The following ANKRD28 variants were observed in gnomAD, a reference collection of about 807,000 sequenced individuals.
ANKRD28 encodes the protein ankyrin repeat domain 28.
Under a neutral mutation model 126.5 loss-of-function variants are expected in ANKRD28, and 44 were observed. That is an observed-to-expected ratio of 0.35 (90% confidence interval 0.27 to 0.45). The LOEUF (loss-of-function observed/expected upper bound fraction) is 0.45. ANKRD28 is among the 20% of genes least tolerant of loss of function. The pLI is 1.00. For missense variants in ANKRD28, 1,110 were observed against 1,316.6 expected, an observed-to-expected ratio of 0.84 and a Z score of 2.43; for synonymous variants, 442 against 468.5, an observed-to-expected ratio of 0.94 and a Z score of 0.73.
At chr3:15,827,594 T>C (rs1468327567) in intron 1 of ANKRD28, among the ~76,000 whole-genome samples, 1 of 152,156 alleles carries the variant, frequency 6.6e-6, no homozygotes, top group East Asian at 1.9e-4. Flanking sequence ...CCCCATTGAA[T>C]GGCCCTGGGA....
intron 3 of ANKRD28, among the ~76,000 whole-genome samples, chr3:15,754,656 G>A (rs747500892): frequency 1.3e-5 from 2 of 152,008 alleles, no homozygotes; most frequent in Non-Finnish European, 2.9e-5. Flanking sequence ...TCTTCAAAAG[G>A]GGGTACTACT....
chr3:15,795,128 A>G lies in ANKRD28; in HGVS notation c.201+95T>C, dbSNP rs913575159. Reference sequence around the variant, plus strand: ...CCCTCATTTAAAACAACTGTTACAGAGTTATATTATGTCTTGTAAACAAAA... The same window carrying G: ...CCCTCATTTAAAACAACTGTTACAGGGTTATATTATGTCTTGTAAACAAAA... On this transcript the variant is annotated intron_variant, in intron 2 of 27. Transcript: ENST00000683139. 5.8e-6 allele frequency: 5 copies of G among 864,476 alleles called. No individual in the cohort carries two copies. The African/African-American group carries it at 8.4e-5, about 15-fold the overall frequency. 53.6% of individuals were successfully genotyped at this position (864,476 alleles called of 1,614,324 possible). A position where few individuals can be genotyped will look rare whatever the true frequency, so the allele number is the denominator to read the frequency against.
intron 20 of ANKRD28, 53 bp from the exon 21 acceptor site, chr3:15,685,498 G>A: frequency 6.5e-7 from 1 of 1,531,282 alleles, no homozygotes; most frequent in Non-Finnish European, 9.0e-7. Context: ...AACATTACAT[G>A]CCAATTTCAG....
At chr3:15,693,377 A>G (rs1408344891) in intron 17 of ANKRD28, among the ~76,000 whole-genome samples, 1 of 151,608 alleles carries the variant, frequency 6.6e-6, no homozygotes, top group Non-Finnish European at 1.5e-5. Flanking sequence ...TGTATAGCAC[A>G]CTGTTAACTT....
intron 2 of ANKRD28, among the ~76,000 whole-genome samples, chr3:15,789,769 A>G (rs1029824703): frequency 1.3e-5 from 2 of 152,058 alleles, no homozygotes; most frequent in African/African-American, 4.8e-5. Flanking sequence ...TTCATGTCAT[A>G]CCAAATAATA....
chr3:15,818,981 A>C (rs1232780909), intron 1 of ANKRD28, among the ~76,000 whole-genome samples: 1 of 152,216 alleles, frequency 6.6e-6, no homozygotes, highest in African/African-American at 2.4e-5. Flanking sequence ...TCATACTACT[A>C]GAGTGCTCCA....
rs2059904126 is a variant in ANKRD28, at chr3:15,788,928, GC to G, written c.201+6294del. Among the ~76,000 whole-genome samples, 3 of 151,996 alleles carry G rather than the reference GC, an allele frequency of 2.0e-5. No individual in the cohort carries two copies. The South Asian group carries it at 6.2e-4, about 32-fold the overall frequency. Reference sequence around the variant, plus strand: ...CCCCCAAAAAAAAAGAAGAGTGAGGGCTGAAGTTAACAGGATTCACTCAACT... The same window carrying G: ...CCCCCAAAAAAAAAGAAGAGTGAGGGTGAAGTTAACAGGATTCACTCAACT... On this transcript the variant is annotated intron_variant, in intron 2 of 27. Coordinates refer to ENST00000683139, the MANE Select transcript of ANKRD28 (RefSeq NM_001349278.2).
At chr3:15,750,679 G>C (rs1200571457) in intron 4 of ANKRD28, among the ~76,000 whole-genome samples, 1 of 152,096 alleles carries the variant, frequency 6.6e-6, no homozygotes, top group Admixed American at 6.5e-5. Context: ...CTATTGCTCT[G>C]GGTTCAAGAT....
rs2067068998 is a variant in ANKRD28 at position 15,677,526 on chromosome 3, A to G, written c.2744T>C (p.Leu915Ser). 2 of 1,613,026 alleles carry G rather than the reference A, an allele frequency of 1.2e-6. No individual in the cohort carries two copies. Among genetic ancestry groups the G allele is most frequent in the African/African-American group, 1.3e-5 (1 of 74,890 alleles). The change falls in exon 25 of 28, where the codon TTA becomes TCA. Residue 915 changes from leucine to serine, a missense_variant. Transcript: ENST00000683139. The stretch of plus-strand genomic sequence containing the variant: ...GGCAGTATTTTTACTGTTATCTTGT[A>G]AAGTCAGTTCTGCACTAGCACTGCT... Reference protein sequence around the residue: ...LVSSASAELTLQDNSKNTALH... With the variant: ...LVSSASAELTSQDNSKNTALH...
Position 15,815,828 on chromosome 3 carries a change from G to C in ANKRD28, c.28-20522C>G, listed in dbSNP as rs371765672. On this transcript the variant is annotated intron_variant, in intron 1 of 27. Transcript: ENST00000399451. The surrounding 1 kb of genome is among the most constrained non-coding windows in gnomAD (Gnocchi z 4.1). Reference sequence around the variant, plus strand: ...TCAACCTCATCAGAAAATATTAAAGGTACATTATTTTAGGTTCTACAGCAT... The same window carrying C: ...TCAACCTCATCAGAAAATATTAAAGCTACATTATTTTAGGTTCTACAGCAT... Among the ~76,000 whole-genome samples, 15 of 152,046 alleles carry C rather than the reference G, an allele frequency of 9.9e-5. No homozygotes were observed. The East Asian group carries it at 2.9e-3, about 29-fold the overall frequency.
chr3:15,767,766 T>C (rs1199895522), intron 2 of ANKRD28, among the ~76,000 whole-genome samples: 2 of 132,846 alleles, frequency 1.5e-5, no homozygotes, highest in African/African-American at 2.8e-5. Flanking sequence ...CGGGTGCCTG[T>C]AGTCCTGGCT....
intron 4 of ANKRD28, among the ~76,000 whole-genome samples, chr3:15,742,956 T>C (rs977415180): frequency 3.3e-5 from 5 of 151,420 alleles, no homozygotes; most frequent in South Asian, 4.2e-4. Flanking sequence ...GGGGAAAGGA[T>C]TGAGAAATCG....
At chr3:15,744,937 T>C (rs1245851121) in intron 4 of ANKRD28, among the ~76,000 whole-genome samples, 2 of 152,220 alleles carry the variant, frequency 1.3e-5, no homozygotes, top group African/African-American at 4.8e-5. Flanking sequence ...ATGGCCATTC[T>C]TGCAGGAGTA....
chr3:15,773,913 C>G (rs1203513784), intron 2 of ANKRD28, among the ~76,000 whole-genome samples: 1 of 152,098 alleles, frequency 6.6e-6, no homozygotes, highest in Non-Finnish European at 1.5e-5. Flanking sequence ...CGCTGTTTGA[C>G]TGCAATAATT....
chr3:15,812,875 A>T lies in ANKRD28; in HGVS notation c.28-17569T>A, dbSNP rs1040286642. Among the ~76,000 whole-genome samples the T allele has an allele frequency of 6.6e-6, 1 of 151,232 alleles. No homozygotes were observed. Among genetic ancestry groups the T allele is most frequent in the Non-Finnish European group, 1.5e-5 (1 of 67,642 alleles). On this transcript the variant is annotated intron_variant, in intron 1 of 27. Transcript: ENST00000399451. This position sits in a 1 kb window ranked among gnomAD's most constrained non-coding sequence, Gnocchi z 4.1. ...AAAGATTCACAATCAGAGATTTCAT[A>T]AAGAATTCAGAATTTCTAAAAGGAA...
chr3:15,728,092 T>C (rs559485318), intron 6 of ANKRD28, among the ~76,000 whole-genome samples: 1 of 152,302 alleles, frequency 6.6e-6, no homozygotes, highest in East Asian at 1.9e-4. Context: ...CCATTCACAT[T>C]GAGGCAAAAC....
rs1271858652 is a variant in ANKRD28, at chr3:15,838,276, T to C, written c.27+21101A>G. ...TCTAATTCCCTCCATGAGGCTAACA[T>C]TACCTTAATACCAAAGCCAGACAAA... On this transcript the variant is annotated intron_variant, in intron 1 of 27. Transcript: ENST00000399451. The surrounding 1 kb of genome is among the most constrained non-coding windows in gnomAD (Gnocchi z 4.0). Among the ~76,000 whole-genome samples, 1 of 152,192 alleles carries C rather than the reference T, an allele frequency of 6.6e-6. No individual in the cohort carries two copies. The highest frequency in any genetic ancestry group is 6.5e-5 in the Admixed American group (1 of 15,282).
chr3:15,810,016 A>C (rs1176568057), intron 1 of ANKRD28, among the ~76,000 whole-genome samples: 2 of 152,232 alleles, frequency 1.3e-5, no homozygotes, highest in Non-Finnish European at 2.9e-5. Context: ...AATAAGGTGG[A>C]AAATTAGACA....
chr3:15,793,926 C>T (rs1015321958), intron 2 of ANKRD28, among the ~76,000 whole-genome samples: 11 of 152,072 alleles, frequency 7.2e-5, no homozygotes, highest in African/African-American at 1.7e-4. Flanking sequence ...AAAAATTAAT[C>T]GGGCGTGGTG....
Sources: allele counts gnomAD v4.1 joint callset (sites outside exome capture counted in the v4.1 genomes callset), GRCh38; gene constraint gnomAD v4.1.1; non-coding constraint Gnocchi (gnomAD v3.1); transcripts MANE v1.5; gene names NCBI Gene and HGNC (gene_info 2026-07-23, HGNC 2026-07-21).